TMEM266: variants seen among roughly 807,000 people sequenced by gnomAD.
TMEM266 encodes transmembrane protein 266, also known as Hv1 related protein 1.
A neutral mutation model predicts 50.5 loss-of-function variants in TMEM266; 33 were observed. That is an observed-to-expected ratio of 0.65 (90% CI 0.50 to 0.87). The LOEUF is 0.87. Ranked by LOEUF, TMEM266 falls within the 40% of genes least tolerant of loss-of-function variation. TMEM266 has a pLI of 0.00. For synonymous variants in TMEM266, 310 were observed against 292.3 expected (o/e 1.06, Z -0.62); for missense variants, 655 against 695.1 (o/e 0.94, Z 0.65).
At chr15:76,065,058 A>G (rs2036387851) in intron 1 of TMEM266, among the ~76,000 whole-genome samples, 1 of 152,222 alleles carries the variant, frequency 6.6e-6, no homozygotes, top group Non-Finnish European at 1.5e-5. Flanking sequence ...TTTAAAAAAC[A>G]ATTTCTATGA....
rs539125999 is a variant in TMEM266 at position 76,160,471 on chromosome 15, G to A, written c.456+303G>A. Among the ~76,000 whole-genome samples, 266 of 152,336 alleles carry A rather than the reference G, an allele frequency of 1.7e-3. 1 individual carries two copies. Among genetic ancestry groups the A allele is most frequent in the South Asian group, 5.4e-3 (26 of 4,828 alleles). ...TGAAGGTGAGACTGAATGTGGCGTC[G>A]AGGGGCAGCCAGTGTTGGGTGCAGC... On this transcript the variant is annotated intron_variant, in intron 5 of 10. Transcript: ENST00000388942. The surrounding 1 kb of genome is among the most constrained non-coding windows in gnomAD (Gnocchi z 5.7).
intron 1 of TMEM266, among the ~76,000 whole-genome samples, chr15:76,084,488 GA>G (rs982047276): frequency 6.6e-6 from 1 of 152,198 alleles, no homozygotes; most frequent in African/African-American, 2.4e-5. Context: ...AGCATATGGA[GA>G]AATAGCAAGT....
intron 4 of TMEM266, among the ~76,000 whole-genome samples, chr15:76,157,979 C>A (rs1428534211): frequency 4.0e-5 from 6 of 151,628 alleles, no homozygotes; most frequent in Admixed American, 2.6e-4. Flanking sequence ...CAGAGTGAGA[C>A]CCCATCTCAA....
intron 1 of TMEM266, among the ~76,000 whole-genome samples, chr15:76,061,378 TAGAA>T (rs1184602543): frequency 2.0e-5 from 3 of 152,160 alleles, no homozygotes; most frequent in Non-Finnish European, 4.4e-5. Flanking sequence ...AGCCAGGACT[TAGAA>T]AGGTTAACTA....
intron 2 of TMEM266, among the ~76,000 whole-genome samples, chr15:76,136,747 G>GT (rs2037595145): frequency 6.6e-6 from 1 of 152,202 alleles, no homozygotes; most frequent in Non-Finnish European, 1.5e-5. Flanking sequence ...CTAAGGGGAA[G>GT]TTTTCTAGTC....
chr15:76,101,700 A>C (rs2037002375), intron 1 of TMEM266, among the ~76,000 whole-genome samples: 1 of 152,242 alleles, frequency 6.6e-6, no homozygotes, highest in Non-Finnish European at 1.5e-5. Context: ...CTAGTATTTC[A>C]GTCTCAGACC....
intron 1 of TMEM266, among the ~76,000 whole-genome samples, chr15:76,095,831 G>A (rs1243455262): frequency 2.6e-5 from 4 of 151,970 alleles, no homozygotes; most frequent in African/African-American, 9.7e-5. Context: ...CTTCTTCCTG[G>A]TTTAGACTTG....
chr15:76,067,085 A>G (rs532301748), intron 1 of TMEM266, among the ~76,000 whole-genome samples: 1 of 152,310 alleles, frequency 6.6e-6, no homozygotes, highest in South Asian at 2.1e-4. Flanking sequence ...CATAGGATCA[A>G]TACAGAAAAC....
intron 1 of TMEM266, among the ~76,000 whole-genome samples, chr15:76,085,053 A>G (rs1425498800): frequency 6.8e-6 from 1 of 146,612 alleles, no homozygotes; most frequent in Non-Finnish European, 1.5e-5. Context: ...TCCGCCTCCC[A>G]GGTTCACGGC....
At chr15:76,200,962 G>C (rs1339484630) in intron 9 of TMEM266, among the ~76,000 whole-genome samples, 1 of 152,180 alleles carries the variant, frequency 6.6e-6, no homozygotes, top group Non-Finnish European at 1.5e-5. Flanking sequence ...GGGCAGACTG[G>C]CTTCTGCAGC....
chr15:76,192,363 C>T lies in TMEM266; in HGVS notation c.958+206C>T, dbSNP rs117033177. On this transcript the variant is annotated intron_variant, in intron 9 of 10. Coordinates refer to ENST00000388942, the MANE Select transcript of TMEM266 (RefSeq NM_152335.3). Reference sequence around the variant, plus strand: ...AGGAGAGAGCATGTAGTCCAGCCACCGACCCAAACTAGAAATGACTCGTCC... The same window carrying T: ...AGGAGAGAGCATGTAGTCCAGCCACTGACCCAAACTAGAAATGACTCGTCC... 1.9e-4 allele frequency among the ~76,000 whole-genome samples: 28 copies of T among 150,670 alleles called. No individual in the cohort carries two copies. The East Asian group carries it at 3.3e-3, about 18-fold the overall frequency.
chr15:76,096,415 C>T (rs2036920953), intron 1 of TMEM266, among the ~76,000 whole-genome samples: 1 of 151,968 alleles, frequency 6.6e-6, no homozygotes, highest in African/African-American at 2.4e-5. Flanking sequence ...TGTAGTTGTG[C>T]AGTTTTGAGT....
intron 3 of TMEM266, among the ~76,000 whole-genome samples, chr15:76,146,424 C>A (rs2142038975): frequency 6.6e-6 from 1 of 152,284 alleles, no homozygotes; most frequent in Middle Eastern, 3.4e-3. Flanking sequence ...AAGGCCCAGC[C>A]TGAGAGGTCA....
At chr15:76,117,030 G>A (rs2037261613) in intron 1 of TMEM266, among the ~76,000 whole-genome samples, 2 of 151,518 alleles carry the variant, frequency 1.3e-5, no homozygotes, top group African/African-American at 4.9e-5. Context: ...CTCCTGAATA[G>A]CTGGGATTAC....
chr15:76,152,693 CGCTTTCTCACTGAGGCCT>C (rs66945281), intron 3 of TMEM266, among the ~76,000 whole-genome samples: 21,980 of 152,188 alleles, frequency 0.14, 2,071 homozygotes, highest in Middle Eastern at 0.28. Flanking sequence ...TCTCACATGT[CGCTTTCTCACTGAGGCCT>C]GCTCTGACCA....
intron 1 of TMEM266, among the ~76,000 whole-genome samples, chr15:76,129,966 G>A (rs146393272): frequency 1.0e-3 from 158 of 152,012 alleles, no homozygotes; most frequent in African/African-American, 3.5e-3. Context: ...GCTCACTCCC[G>A]TGATTTTAAC....
chr15:76,150,102 C>G (rs2037815267), intron 3 of TMEM266, among the ~76,000 whole-genome samples: 1 of 152,166 alleles, frequency 6.6e-6, no homozygotes, highest in African/African-American at 2.4e-5. Flanking sequence ...GCCTGGGTAT[C>G]CTTAGATTAT....
chr15:76,065,887 G>C (rs184832426), intron 1 of TMEM266, among the ~76,000 whole-genome samples: 3 of 152,042 alleles, frequency 2.0e-5, no homozygotes, highest in African/African-American at 7.2e-5. Context: ...TTTGTCCCGC[G>C]CACTCCCCAC....
chr15:76,164,262 A>G (rs779926051), intron 5 of TMEM266, among the ~76,000 whole-genome samples: 2 of 152,070 alleles, frequency 1.3e-5, no homozygotes, highest in Non-Finnish European at 2.9e-5. Flanking sequence ...CTGGGGTGCA[A>G]TGGTCCAATC....
Sources: allele counts gnomAD v4.1 joint callset (sites outside exome capture counted in the v4.1 genomes callset), GRCh38; gene constraint gnomAD v4.1.1; non-coding constraint Gnocchi (gnomAD v3.1); transcripts MANE v1.5; gene names NCBI Gene and HGNC (gene_info 2026-07-23, HGNC 2026-07-21).